PNPLA6: variants seen among roughly 807,000 people sequenced by gnomAD.
PNPLA6 encodes patatin-like phospholipase domain-containing protein 6.
Under a neutral mutation model 153.7 loss-of-function variants are expected in PNPLA6, and 105 were observed. The observed-to-expected ratio is 0.68, with a 90% CI of 0.58 to 0.80. The LOEUF (loss-of-function observed/expected upper bound fraction) is 0.80. PNPLA6 is among the 30% of genes least tolerant of loss of function. The probability of loss-of-function intolerance (pLI) is 0.00; values close to 1 mark genes in which losing one functional copy is unlikely to be tolerated. For missense variants in PNPLA6, 1,423 were observed against 1,919.3 expected (o/e 0.74, Z 4.83); for synonymous variants, 825 against 822.2 (o/e 1.00, Z -0.06).
intron 26 of PNPLA6, chr19:7,556,959 C>G: frequency 1.4e-6 from 1 of 696,788 alleles, no homozygotes; most frequent in Non-Finnish European, 2.6e-6. Context: ...TCACGCCATC[C>G]CCGCAGGCTG....
At chr19:7,548,812 T>C (rs1214026074) in intron 13 of PNPLA6, among the ~76,000 whole-genome samples, 1 of 150,362 alleles carries the variant, frequency 6.7e-6, no homozygotes, top group Non-Finnish European at 1.5e-5. Context: ...TTTTTTTTTT[T>C]TTTTTTTTGA....
chr19:7,555,609 G>C lies in PNPLA6; in HGVS notation c.2939G>C (p.Gly980Ala), dbSNP rs201902695. The C allele has an allele frequency of 1.3e-4, 203 of 1,611,444 alleles. 1 individual carries two copies. The highest frequency in any genetic ancestry group is 1.1e-5 in the Non-Finnish European group (13 of 1,179,448). Reference sequence around the variant, plus strand: ...ACTGGGGCCCATTTTCCCGGCAGGGGCTGCTCGCACATCGGAGTACTAAAG... The same window carrying C: ...ACTGGGGCCCATTTTCCCGGCAGGGCCTGCTCGCACATCGGAGTACTAAAG... ...ALVLGGGGARGCSHIGVLKAL... is the reference protein window; with the variant it reads ...ALVLGGGGARACSHIGVLKAL... The change falls in exon 24 of 32, where the codon GGC becomes GCC. Residue 980 changes from glycine (G) to alanine (A), a missense_variant and splice_region_variant. By Grantham distance (60) the Gly-to-Ala change is moderately conservative. Transcript: ENST00000600737. The surrounding 1 kb of genome is among the most constrained non-coding windows in gnomAD (Gnocchi z 6.3).
chr19:7,536,045 G>A (rs900023398), intron 1 of PNPLA6, 25 bp downstream of exon 1: 18 of 1,579,108 alleles, frequency 1.1e-5, no homozygotes, highest in Non-Finnish European at 1.4e-5. Flanking sequence ...GGCCCCTCTT[G>A]GGAGGCTGTA....
intron 18 of PNPLA6, among the ~76,000 whole-genome samples, chr19:7,551,899 A>G (rs2023670442): frequency 6.6e-6 from 1 of 152,018 alleles, no homozygotes; most frequent in South Asian, 2.1e-4. Flanking sequence ...CAGGAGATTG[A>G]GTTTGAAACC....
At chr19:7,539,752 C>T (rs1332265845) in intron 3 of PNPLA6, among the ~76,000 whole-genome samples, 166 bp from the exon 4 acceptor site, 6 of 133,264 alleles carry the variant, frequency 4.5e-5, no homozygotes, top group African/African-American at 1.2e-4. Context: ...AGCAAAACTT[C>T]GTCTCAAAAA....
chr19:7,536,278 G>T lies in PNPLA6; in HGVS notation c.315+5G>T. On this transcript the variant is annotated splice_donor_5th_base_variant and intron_variant, in intron 2 of 31. Coordinates refer to ENST00000600737, the MANE Select transcript of PNPLA6 (RefSeq NM_001166114.2). ...GGCCGGAAGATTATGCGGAAGGTGA[G>T]TCCGGGACCCCTGGGGTCCGCCCTG... 2 of 1,610,908 alleles carry T rather than the reference G, an allele frequency of 1.2e-6. No homozygotes were observed. The highest frequency in any genetic ancestry group is 1.7e-6 in the Non-Finnish European group (2 of 1,177,150).
At chr19:7,542,296 C>T (rs766402803) in intron 10 of PNPLA6, among the ~76,000 whole-genome samples, 1 of 152,186 alleles carries the variant, frequency 6.6e-6, no homozygotes, top group Non-Finnish European at 1.5e-5. Flanking sequence ...AGCAGTGGCC[C>T]ATGGCACATT....
Position 7,550,621 on chromosome 19 carries a change from G to A in PNPLA6, c.2051G>A (p.Arg684His). ...GKKELVGEYGRGDLIGVVEAL... is the reference protein window; with the variant it reads ...GKKELVGEYGHGDLIGVVEAL... ...AAGGAGCTGGTGGGCGAGTACGGCC[G>A]CGGCGACCTCATCGGCGTGGTGAGC... Residue 684 changes from arginine to histidine, a missense_variant, in exon 16 of 32, where the codon CGC becomes CAC. Arg to His is a conservative substitution (Grantham distance 29). This residue lies in a region of PNPLA6 where 63 missense variants were observed against 166.2 expected (regional missense o/e 0.38). Coordinates refer to ENST00000600737, the MANE Select transcript of PNPLA6 (RefSeq NM_001166114.2). 2 of 1,611,694 alleles carry A rather than the reference G, an allele frequency of 1.2e-6. No individual in the cohort carries two copies. The highest frequency in any genetic ancestry group is 2.2e-5 in the East Asian group (1 of 44,852).
intron 3 of PNPLA6, among the ~76,000 whole-genome samples, chr19:7,538,753 T>A (rs2022987889): frequency 6.6e-6 from 1 of 152,182 alleles, no homozygotes; most frequent in African/African-American, 2.4e-5. Flanking sequence ...ATCTCAGGAA[T>A]GTTTATGTAG....
At chr19:7,538,627 C>T (rs187919469) in intron 3 of PNPLA6, among the ~76,000 whole-genome samples, 46 of 152,248 alleles carry the variant, frequency 3.0e-4, no homozygotes, top group African/African-American at 9.1e-4. Context: ...TCTCCCAGGT[C>T]CACGATTAGC....
At chr19:7,542,483 C>T (rs2023195858) in intron 10 of PNPLA6, 78 bp from the exon 11 acceptor site, 2 of 1,076,846 alleles carry the variant, frequency 1.9e-6, no homozygotes, top group Non-Finnish European at 2.8e-6. Flanking sequence ...TACAGGCCTG[C>T]ACCACTACAC....
chr19:7,555,162 G>T lies in PNPLA6; in HGVS notation c.2817+87G>T. On this transcript the variant is annotated intron_variant, in intron 22 of 31. Coordinates refer to ENST00000600737, the MANE Select transcript of PNPLA6 (RefSeq NM_001166114.2). The surrounding 1 kb of genome is among the most constrained non-coding windows in gnomAD (Gnocchi z 6.3). ...TGGGGCGGGGCCTGGGAGGGCTGAG[G>T]ACAGGCTCGAAGGTCAGGGTACCCC... 1 of 1,537,934 alleles carries T rather than the reference G, an allele frequency of 6.5e-7. No homozygotes were observed. The highest frequency in any genetic ancestry group is 8.8e-7 in the Non-Finnish European group (1 of 1,138,280).
chr19:7,555,692 T>C lies in PNPLA6; in HGVS notation c.3022T>C (p.Phe1008Leu). The change falls in exon 24 of 32, where the codon TTC becomes CTC. Residue 1008 changes from phenylalanine (F) to leucine (L), a missense_variant. Physicochemically the swap from Phe to Leu is conservative, Grantham distance 22 (BLOSUM62 0). This residue lies in a region of PNPLA6 where 643 missense variants were observed against 835.2 expected (regional missense o/e 0.77). Transcript: ENST00000600737. The surrounding 1 kb of genome is among the most constrained non-coding windows in gnomAD (Gnocchi z 6.3). ...GGTGGGCGGCACGTCCATTGGCTCT[T>C]TCATCGGAGCGTTGTACGCGGAGGA... is the stretch of plus-strand genomic sequence containing the variant. Reference protein sequence around the residue: ...DLVGGTSIGSFIGALYAEERS... With the variant: ...DLVGGTSIGSLIGALYAEERS... 6.2e-7 allele frequency: 1 copy of C among 1,613,802 alleles called. No individual in the cohort carries two copies. The highest frequency in any genetic ancestry group is 1.1e-5 in the South Asian group (1 of 91,078).
upstream of PNPLA6, chr19:7,534,321 T>G: frequency 4.3e-6 from 1 of 233,108 alleles, no homozygotes; most frequent in Non-Finnish European, 8.6e-6. Flanking sequence ...CGATCTGTCC[T>G]CCGATTCCTG....
In PNPLA6 at chr19:7,548,205, C is replaced by T. The variant is rs151196922; in HGVS notation, c.1609-1702C>T. Among the ~76,000 whole-genome samples the T allele has an allele frequency of 2.9e-3, 440 of 151,780 alleles. 1 individual carries two copies. The highest frequency in any genetic ancestry group is 0.01 in the African/African-American group (416 of 41,424). Reference sequence around the variant, plus strand: ...ACTAAAAATACAAAAATTAGCCAGGCGTGTGGCAGGCACCTTTAATCTCAG... The same window carrying T: ...ACTAAAAATACAAAAATTAGCCAGGTGTGTGGCAGGCACCTTTAATCTCAG... On this transcript the variant is annotated intron_variant, in intron 13 of 31. Coordinates refer to ENST00000600737, the MANE Select transcript of PNPLA6 (RefSeq NM_001166114.2).
intron 17 of PNPLA6, 65 bp downstream of exon 17, chr19:7,551,172 C>CTAGTGTGTG: frequency 1.4e-6 from 1 of 711,444 alleles, no homozygotes; most frequent in Non-Finnish European, 2.2e-6. Context: ...GGGGCCGGGC[C>CTAGTGTGTG]TAGTGTGTGG....
chr19:7,555,649 G>A lies in PNPLA6; in HGVS notation c.2979G>A (p.Ala993=). Residue 993 remains alanine (A), a synonymous_variant, in exon 24 of 32, where the codon GCG becomes GCA. Transcript: ENST00000600737. The surrounding 1 kb of genome is among the most constrained non-coding windows in gnomAD (Gnocchi z 6.3). The stretch of plus-strand genomic sequence containing the variant: ...GAGTACTAAAGGCATTAGAGGAGGC[G>A]GGGGTCCCCGTGGACCTGGTGGGCG... The part of the protein sequence containing the change: ...HIGVLKALEE[A]GVPVDLVGGT... 1 of 1,612,968 alleles carries A rather than the reference G, an allele frequency of 6.2e-7. No individual in the cohort carries two copies. Among genetic ancestry groups the A allele is most frequent in the African/African-American group, 1.3e-5 (1 of 74,980 alleles).
intron 26 of PNPLA6, 163 bp downstream of exon 26, chr19:7,556,887 C>A: frequency 1.4e-6 from 1 of 708,084 alleles, no homozygotes; most frequent in Admixed American, 2.0e-5. Context: ...GCCCCGGAGA[C>A]CCCAGGTACG....
rs775518600 is a variant in PNPLA6 at position 7,561,670 on chromosome 19, G to C, written c.*108G>C. The C allele has an allele frequency of 3.5e-5, 28 of 794,536 alleles. No individual in the cohort carries two copies. Among genetic ancestry groups the C allele is most frequent in the Non-Finnish European group, 5.5e-5 (26 of 469,342 alleles). 49.2% of individuals were successfully genotyped at this position (794,536 alleles called of 1,614,324 possible). A position where few individuals can be genotyped will look rare whatever the true frequency, so the allele number is the denominator to read the frequency against. ...CTGCTGCTATGCCTGTGACCCCCGCGGCCCACACACTGGACTGACCTGCCC... is the reference window on the plus strand; with the variant it reads ...CTGCTGCTATGCCTGTGACCCCCGCCGCCCACACACTGGACTGACCTGCCC... On this transcript the variant is annotated 3_prime_UTR_variant, in exon 32 of 32. Transcript: ENST00000600737.
Sources: allele counts gnomAD v4.1 joint callset (sites outside exome capture counted in the v4.1 genomes callset), GRCh38; gene constraint gnomAD v4.1.1; regional missense constraint gnomAD v4.1.1; non-coding constraint Gnocchi (gnomAD v3.1); transcripts MANE v1.5; gene names NCBI Gene and HGNC (gene_info 2026-07-23, HGNC 2026-07-21).